Variants in EFCAB13 observed in about 807,000 individuals in gnomAD.
EFCAB13 encodes the protein EF-hand calcium binding domain 13.
A neutral mutation model predicts 110.2 loss-of-function variants in EFCAB13; 91 were observed. The ratio of observed to expected loss-of-function variants is 0.83; its 90% confidence interval spans 0.70 to 0.98. The LOEUF is 0.98. Among genes scored for constraint, EFCAB13 ranks in the 50% least tolerant of loss-of-function variants. The pLI, the probability that EFCAB13 is intolerant of heterozygous loss-of-function variation, is 0.00. For missense variants in EFCAB13, 968 were observed against 1,119.4 expected, an observed-to-expected ratio of 0.86 and a Z score of 1.93; for synonymous variants, 323 against 369.9, an observed-to-expected ratio of 0.87 and a Z score of 1.45.
chr17:47,394,911 T>G (rs902856042), intron 16 of EFCAB13, among the ~76,000 whole-genome samples: 2 of 152,198 alleles, frequency 1.3e-5, no homozygotes, highest in Admixed American at 1.3e-4. Context: ...GTATTTTATA[T>G]CTCATTGTTA....
intron 18 of EFCAB13, among the ~76,000 whole-genome samples, chr17:47,403,133 A>C (rs2065787597): frequency 6.6e-6 from 1 of 152,214 alleles, no homozygotes; most frequent in African/African-American, 2.4e-5. Context: ...GCAGGACATA[A>C]GACTTAAACT....
At chr17:47,394,436 G>T (rs893416278) in intron 16 of EFCAB13, among the ~76,000 whole-genome samples, 2 of 152,152 alleles carry the variant, frequency 1.3e-5, no homozygotes, top group African/African-American at 4.8e-5. Context: ...TCTAGTGCCT[G>T]AGTACTAATA....
At chr17:47,406,016 T>C (rs370016878) in intron 20 of EFCAB13, among the ~76,000 whole-genome samples, 3 of 152,178 alleles carry the variant, frequency 2.0e-5, no homozygotes, top group African/African-American at 7.2e-5. Flanking sequence ...GCTATTATTA[T>C]GGTTATTTTA....
In EFCAB13 at chr17:47,335,202, G is replaced by A. The variant is rs749174572; in HGVS notation, c.37G>A (p.Glu13Lys). ...TKVHLFCQAEENIDLLDDGSN... is the reference protein window; with the variant it reads ...TKVHLFCQAEKNIDLLDDGSN... ...TGGCTCTTATATTCCCCAGGCAGAG[G>A]AAAATATTGACTTATTAGATGATGG... is the stretch of plus-strand genomic sequence containing the variant. The change falls in exon 5 of 25, where the codon GAA (glutamate) becomes AAA (lysine). Residue 13 changes from glutamate (E) to lysine (K), a missense_variant. Transcript: ENST00000331493. 7 of 1,598,318 alleles carry A rather than the reference G, an allele frequency of 4.4e-6. No homozygotes were observed. The highest frequency in any genetic ancestry group is 1.4e-5 in the African/African-American group (1 of 73,946).
Position 47,405,428 on chromosome 17 carries a change from CA to C in EFCAB13, c.2233+796del, listed in dbSNP as rs1163256429. Among the ~76,000 whole-genome samples, 6 of 152,200 alleles carry C rather than the reference CA, an allele frequency of 3.9e-5. No individual in the cohort carries two copies. The East Asian group carries it at 7.7e-4, about 20-fold the overall frequency. Reference sequence around the variant, plus strand: ...TTGTGGAAATTCACACTTTTATCAACAGGGGGTATTATTTATTTAAAATTCT... The same window carrying C: ...TTGTGGAAATTCACACTTTTATCAACGGGGGTATTATTTATTTAAAATTCT... On this transcript the variant is annotated intron_variant, in intron 20 of 24. Coordinates refer to ENST00000331493, the MANE Select transcript of EFCAB13 (RefSeq NM_152347.5).
chr17:47,367,220 AGCATTTCTTTGAT>A (rs2065551989), intron 10 of EFCAB13, among the ~76,000 whole-genome samples: 1 of 152,250 alleles, frequency 6.6e-6, no homozygotes, highest in African/African-American at 2.4e-5. Flanking sequence ...AATTTTGTCT[AGCATTTCTTTGAT>A]TGGTTCAAAC....
chr17:47,351,327 G>GCA lies in EFCAB13; in HGVS notation c.661+3377_661+3378insAC, dbSNP rs751350035. Among the ~76,000 whole-genome samples the GCA allele has an allele frequency of 1.0e-2, 1,495 of 150,076 alleles. 14 individuals carry two copies. The highest frequency in any genetic ancestry group is 0.016 in the Non-Finnish European group (1,056 of 67,312). On this transcript the variant is annotated intron_variant, in intron 9 of 24. Coordinates refer to ENST00000331493, the MANE Select transcript of EFCAB13 (RefSeq NM_152347.5). Reference sequence around the variant, plus strand: ...TGTGCGCGCGCGCGCGCGCGCGCGCGCCACGTTTTCTTTATCCAGTCATCC... The same window carrying GCA: ...TGTGCGCGCGCGCGCGCGCGCGCGCGCACCACGTTTTCTTTATCCAGTCATCC...
At chr17:47,421,063 G>A (rs1312427837) in intron 23 of EFCAB13, among the ~76,000 whole-genome samples, 1 of 151,616 alleles carries the variant, frequency 6.6e-6, no homozygotes. Context: ...CCGCCCGGGA[G>A]GTGAGGGGCG....
intron 23 of EFCAB13, among the ~76,000 whole-genome samples, chr17:47,416,332 G>A (rs1363551480): frequency 6.6e-6 from 1 of 152,074 alleles, no homozygotes; most frequent in African/African-American, 2.4e-5. Context: ...CTTTCTGTCT[G>A]TATGAATTTG....
intron 17 of EFCAB13, among the ~76,000 whole-genome samples, chr17:47,397,980 CCCGCCCGGCCAGCCGCCCCG>C (rs2065753276): frequency 1.3e-5 from 2 of 148,486 alleles, no homozygotes; most frequent in African/African-American, 5.0e-5. Context: ...GGGTCAGCCC[CCCGCCCGGCCAGCCGCCCCG>C]TCCGGGAGGG....
At chr17:47,370,183 A>G (rs895574470) in intron 10 of EFCAB13, among the ~76,000 whole-genome samples, 54 of 152,252 alleles carry the variant, frequency 3.5e-4, no homozygotes, top group African/African-American at 1.3e-3. Context: ...CCTGATTAGC[A>G]TAAGAGCTTA....
intron 23 of EFCAB13, among the ~76,000 whole-genome samples, chr17:47,421,431 A>C (rs1904703634): frequency 6.6e-6 from 1 of 152,004 alleles, no homozygotes; most frequent in African/African-American, 2.4e-5. Context: ...TGAAGGCAGC[A>C]TGCTCCTTAA....
rs540131446 is a variant in EFCAB13 at position 47,360,145 on chromosome 17, A to G, written c.662-1233A>G. On this transcript the variant is annotated intron_variant, in intron 9 of 24. Coordinates refer to ENST00000331493, the MANE Select transcript of EFCAB13 (RefSeq NM_152347.5). ...TAGTCCTTTGGGTATATACCCAGAA[A>G]TGGGATGGCTGGGTCAAATGGTATT... 1.2e-3 allele frequency among the ~76,000 whole-genome samples: 187 copies of G among 152,280 alleles called. 1 individual carries two copies. Among genetic ancestry groups the G allele is most frequent in the African/African-American group, 4.3e-3 (180 of 41,552 alleles).
At chr17:47,400,313 GA>G (rs1413126640) in intron 17 of EFCAB13, among the ~76,000 whole-genome samples, 1 of 152,136 alleles carries the variant, frequency 6.6e-6, no homozygotes, top group Non-Finnish European at 1.5e-5. Flanking sequence ...GTTTAGCAAA[GA>G]ATAATTGAGC....
rs764887396 is a variant in EFCAB13, at chr17:47,411,155, G to T, written c.2278+1464G>T. Among the ~76,000 whole-genome samples the T allele has an allele frequency of 4.1e-4, 62 of 152,122 alleles. No individual in the cohort carries two copies. In the Middle Eastern group the frequency reaches 0.014, roughly 33 times the overall value. On this transcript the variant is annotated intron_variant, in intron 21 of 24. Transcript: ENST00000331493. ...ATGCTATTGTTCCAAATCTTTTGTT[G>T]TTAACTCATAATCATGAATATTTTT...
intron 22 of EFCAB13, among the ~76,000 whole-genome samples, chr17:47,414,512 CA>C (rs59295107): frequency 0.13 from 12,401 of 97,050 alleles, 683 homozygotes; most frequent in East Asian, 0.39. Flanking sequence ...GACTCCATCT[CA>C]AAAAAAAAAA....
intron 9 of EFCAB13, 22 bp from the exon 10 acceptor site, chr17:47,361,354 GGT>G (rs2065511583): frequency 6.2e-7 from 1 of 1,606,448 alleles, no homozygotes; most frequent in Non-Finnish European, 8.5e-7. Flanking sequence ...TGATTCTCAT[GGT>G]ATAATAATTT....
Position 47,403,971 on chromosome 17 carries a change from A to T in EFCAB13, c.2111A>T (p.Lys704Met). ...LEDFLRNVGI[K>M]SPKEEVEKIL... ...GACTTTCTAAGAAATGTTGGGATTA[A>T]GTCACCTAAAGAAGAGGTAGAGAAA... The change falls in exon 19 of 25, where the codon AAG (lysine) becomes ATG (methionine). Residue 704 changes from lysine (K) to methionine (M), a missense_variant. Transcript: ENST00000331493. 1 of 1,611,048 alleles carries T rather than the reference A, an allele frequency of 6.2e-7. No homozygotes were observed. Among genetic ancestry groups the T allele is most frequent in the South Asian group, 1.1e-5 (1 of 90,414 alleles).
chr17:47,433,033 T>A (rs1415596068), intron 24 of EFCAB13, among the ~76,000 whole-genome samples: 3 of 152,214 alleles, frequency 2.0e-5, no homozygotes, highest in African/African-American at 7.2e-5. Context: ...CTAATGTTCT[T>A]TAATGTCCCA....
Sources: allele counts gnomAD v4.1 joint callset (sites outside exome capture counted in the v4.1 genomes callset), GRCh38; gene constraint gnomAD v4.1.1; transcripts MANE v1.5; gene names NCBI Gene and HGNC (gene_info 2026-07-23, HGNC 2026-07-21).